The following IPO8 variants were observed in gnomAD, a reference collection of about 807,000 sequenced individuals.
IPO8 encodes importin-8.
In IPO8, 65 loss-of-function variants were observed where a neutral mutation model predicts 141.2. The ratio of observed to expected loss-of-function variants is 0.46; its 90% confidence interval spans 0.38 to 0.57. The LOEUF (loss-of-function observed/expected upper bound fraction) is 0.57. Ranked by LOEUF, IPO8 falls within the 20% of genes least tolerant of loss-of-function variation. The pLI is 0.00. For synonymous variants in IPO8, 411 were observed against 420.3 expected, an observed-to-expected ratio of 0.98 and a Z score of 0.27; for missense variants, 980 against 1,246.8, an observed-to-expected ratio of 0.79 and a Z score of 3.22.
In IPO8 at chr12:30,676,504, A is replaced by T; in HGVS notation, c.723T>A (p.Val241=). The T allele has an allele frequency of 6.2e-7, 1 of 1,611,016 alleles. No individual in the cohort carries two copies. The highest frequency in any genetic ancestry group is 8.5e-7 in the Non-Finnish European group (1 of 1,177,416). ...GGGAAAAGCTTTTTCTTACAGGAGG[A>T]ACGGTCCTGTCGATAATAGTTCGGA... is the stretch of plus-strand genomic sequence containing the variant. ...EIFRTIIDRT[V]PPETLHIDED... is the part of the protein sequence containing the mutation. The change falls in exon 6 of 25, where the codon GTT becomes GTA. Residue 241 remains valine, a synonymous_variant. Coordinates refer to ENST00000256079, the MANE Select transcript of IPO8 (RefSeq NM_006390.4).
intron 11 of IPO8, 92 bp downstream of exon 11, chr12:30,666,083 A>G (rs2052960961): frequency 1.4e-5 from 12 of 869,632 alleles, no homozygotes; most frequent in South Asian, 3.8e-5. Context: ...AACGAATAAC[A>G]ACATAATTTC....
At position 30,661,175 on chromosome 12, in the gene IPO8, T is replaced by C; in HGVS notation, c.1847A>G (p.Asp616Gly). ...ATCTTCTACAACTGTTAAGATAGTA[T>C]CAATGGTATGTAAAATTCCCATAGC... ...VMAMGILHTI[D>G]TILTVVEDHK... The change falls in exon 16 of 25, where the codon GAT becomes GGT. Residue 616 changes from aspartate to glycine, a missense_variant. By Grantham distance (94) the Asp-to-Gly change is moderately conservative. This residue lies in a region of IPO8 where 924 missense variants were observed against 1,153.9 expected (regional missense o/e 0.80). Transcript: ENST00000256079. 6.3e-7 allele frequency: 1 copy of C among 1,592,194 alleles called. No homozygotes were observed.
chr12:30,670,350 A>T (rs900083869), intron 9 of IPO8, among the ~76,000 whole-genome samples: 1 of 152,228 alleles, frequency 6.6e-6, no homozygotes, highest in African/African-American at 2.4e-5. Context: ...TTCAGTTCCT[A>T]AGACTGTCAA....
intron 20 of IPO8, 73 bp from the exon 21 acceptor site, chr12:30,639,808 G>A: frequency 9.9e-7 from 1 of 1,010,118 alleles, no homozygotes; most frequent in Admixed American, 1.7e-5. Flanking sequence ...AATATTGGCA[G>A]AGCATTCTCA....
chr12:30,676,461 G>C, intron 6 of IPO8, 37 bp downstream of exon 6: 1 of 1,451,974 alleles, frequency 6.9e-7, no homozygotes, highest in Non-Finnish European at 9.7e-7. Flanking sequence ...TTCCAAACCC[G>C]TTTCCCCTAT....
chr12:30,641,663 G>C (rs2052576965), intron 20 of IPO8, among the ~76,000 whole-genome samples: 1 of 151,934 alleles, frequency 6.6e-6, no homozygotes, highest in Non-Finnish European at 1.5e-5. Flanking sequence ...TATTTTCACT[G>C]TATATTGCTA....
intron 16 of IPO8, among the ~76,000 whole-genome samples, chr12:30,658,829 A>T (rs1255567558): frequency 6.6e-6 from 1 of 151,716 alleles, no homozygotes; most frequent in Non-Finnish European, 1.5e-5. Context: ...GAAAATAAAA[A>T]TTAAGCCCTT....
intron 18 of IPO8, 31 bp from the exon 19 acceptor site, chr12:30,652,320 T>G (rs528546417): frequency 8.1e-7 from 1 of 1,227,778 alleles, no homozygotes; most frequent in African/African-American, 1.5e-5. Context: ...CAATGAGACT[T>G]GAGTGACAGA....
At chr12:30,661,051 A>T in intron 16 of IPO8, 90 bp downstream of exon 16, 1 of 955,890 alleles carries the variant, frequency 1.0e-6, no homozygotes, top group Non-Finnish European at 1.4e-6. Context: ...GTAGCAATTT[A>T]AAAGTGGAGA....
chr12:30,636,933 A>T, intron 22 of IPO8, 49 bp downstream of exon 22: 1 of 1,493,058 alleles, frequency 6.7e-7, no homozygotes, highest in Non-Finnish European at 9.3e-7. Context: ...TAAAATGCAT[A>T]CACAAATCAA....
intron 23 of IPO8, among the ~76,000 whole-genome samples, 161 bp downstream of exon 23, chr12:30,633,922 T>A (rs1387359470): frequency 6.6e-6 from 1 of 152,190 alleles, no homozygotes; most frequent in Non-Finnish European, 1.5e-5. Flanking sequence ...TTAATTTCTA[T>A]CATTTCATGT....
intron 8 of IPO8, among the ~76,000 whole-genome samples, chr12:30,671,449 G>A (rs984296781): frequency 2.6e-5 from 4 of 152,030 alleles, no homozygotes; most frequent in East Asian, 1.9e-4. Context: ...CGAGGCGGGC[G>A]GATCACGAGG....
At position 30,630,735 on chromosome 12, in the gene IPO8, C is replaced by A; in HGVS notation, c.*125G>T. ...GAGTAGATAAAAGTGCTGCCTAATG[C>A]CAGATGGTAACTGGCACAGCAGGAG... On this transcript the variant is annotated 3_prime_UTR_variant, in exon 25 of 25. Coordinates refer to ENST00000256079, the MANE Select transcript of IPO8 (RefSeq NM_006390.4). 1 of 701,874 alleles carries A rather than the reference C, an allele frequency of 1.4e-6. No individual in the cohort carries two copies. Among genetic ancestry groups the A allele is most frequent in the Non-Finnish European group, 2.5e-6 (1 of 404,806 alleles). 43.5% of individuals were successfully genotyped at this position (701,874 alleles called of 1,614,324 possible).
At chr12:30,673,742 A>G (rs1565506257) in intron 8 of IPO8, among the ~76,000 whole-genome samples, 1 of 152,178 alleles carries the variant, frequency 6.6e-6, no homozygotes, top group Non-Finnish European at 1.5e-5. Context: ...ATCAACTTAA[A>G]AGGTTTGAGT....
intron 17 of IPO8, among the ~76,000 whole-genome samples, chr12:30,654,322 T>A (rs765908032): frequency 2.1e-3 from 313 of 151,618 alleles, no homozygotes; most frequent in Middle Eastern, 6.8e-3. Context: ...TTTTTTTTTT[T>A]TATATGAGGA....
intron 1 of IPO8, among the ~76,000 whole-genome samples, chr12:30,693,442 A>G (rs1394406927): frequency 6.6e-6 from 1 of 152,220 alleles, no homozygotes; most frequent in Non-Finnish European, 1.5e-5. Context: ...TATTTTTCTA[A>G]ACGGCAATTG....
At chr12:30,663,678 A>C (rs1224229037) in intron 13 of IPO8, 24 bp from the exon 14 acceptor site, 1 of 1,568,720 alleles carries the variant, frequency 6.4e-7, no homozygotes, top group East Asian at 2.3e-5. Context: ...AAAGGTAAGT[A>C]GGGAGCTATT....
At chr12:30,679,439 T>C (rs2053162577) in intron 5 of IPO8, among the ~76,000 whole-genome samples, 1 of 152,168 alleles carries the variant, frequency 6.6e-6, no homozygotes, top group Admixed American at 6.5e-5. Flanking sequence ...TTTCTAGCTG[T>C]TTCTGCCAAT....
chr12:30,647,635 C>T (rs1253986155), intron 20 of IPO8, among the ~76,000 whole-genome samples: 1 of 131,220 alleles, frequency 7.6e-6, no homozygotes, highest in Non-Finnish European at 1.6e-5. Flanking sequence ...AGACACCAAC[C>T]ACAAGCAATA....
Sources: gnomAD v4.1 joint callset for allele counts (sites outside exome capture counted in the v4.1 genomes callset) on GRCh38, gnomAD v4.1.1 for gene constraint, gnomAD v4.1.1 regional missense constraint, MANE v1.5 for transcripts, NCBI Gene and HGNC (gene_info 2026-07-23, HGNC 2026-07-21) for gene names.